Variants in SGCD observed in about 807,000 individuals in gnomAD.
SGCD encodes delta-sarcoglycan.
SGCD carries 18 observed loss-of-function variants against 36.6 expected under a neutral mutation model. That is an observed-to-expected ratio of 0.49 (90% confidence interval 0.34 to 0.73). SGCD has a LOEUF of 0.73. Ranked by LOEUF, SGCD falls within the 30% of genes least tolerant of loss-of-function variation. The pLI is 0.01. For missense variants in SGCD, 387 were observed against 346.7 expected (o/e 1.12, Z -0.92); for synonymous variants, 133 against 130.6 (o/e 1.02, Z -0.12).
At chr5:156,601,075 C>T (rs377084472) in intron 6 of SGCD, among the ~76,000 whole-genome samples, 1 of 152,150 alleles carries the variant, frequency 6.6e-6, no homozygotes, top group Non-Finnish European at 1.5e-5. Flanking sequence ...AGTTTGTCAA[C>T]ATTTTCTTCC....
intron 3 of SGCD, among the ~76,000 whole-genome samples, chr5:156,379,540 G>A (rs1770868443): frequency 6.6e-6 from 1 of 152,148 alleles, no homozygotes; most frequent in African/African-American, 2.4e-5. Context: ...CTGTAAATCA[G>A]AACAAGTTTG....
intron 1 of SGCD, among the ~76,000 whole-genome samples, chr5:155,900,847 A>G (rs1005298579): frequency 6.6e-6 from 1 of 152,310 alleles, no homozygotes; most frequent in Non-Finnish European, 1.5e-5. Context: ...TAATAAAAAA[A>G]CAACATAATA....
At chr5:156,396,936 A>G (rs1212490303) in intron 3 of SGCD, among the ~76,000 whole-genome samples, 2 of 152,266 alleles carry the variant, frequency 1.3e-5, no homozygotes, top group African/African-American at 4.8e-5. Flanking sequence ...AAGCCTAAGC[A>G]CTAGCCATTA....
chr5:156,767,771 T>C lies in SGCD; in HGVS notation c.*8381T>C, dbSNP rs373222949. On this transcript the variant is annotated 3_prime_UTR_variant, in exon 9 of 9. Coordinates refer to ENST00000337851, the MANE Select transcript of SGCD (RefSeq NM_000337.6). ...TTGTAAAATATATTAATAAAAATAA[T>C]GATTGGTAAGAAGGAAAGCACCCTT... 7 of 152,220 alleles carry C rather than the reference T, an allele frequency of 4.6e-5. No individual in the cohort carries two copies. Among genetic ancestry groups the C allele is most frequent in the African/African-American group, 1.7e-4 (7 of 41,468 alleles). The allele number at this position is 152,220 out of a possible 1,614,324, so 9.4% of individuals were successfully genotyped here.
chr5:156,635,768 A>T (rs1001895029), intron 6 of SGCD, among the ~76,000 whole-genome samples: 15 of 152,034 alleles, frequency 9.9e-5, no homozygotes, highest in African/African-American at 3.6e-4. Flanking sequence ...CATCATTCTC[A>T]GCAAACTATC....
chr5:156,414,458 A>G (rs189622338), intron 3 of SGCD, among the ~76,000 whole-genome samples: 3 of 152,352 alleles, frequency 2.0e-5, no homozygotes, highest in African/African-American at 4.8e-5. Flanking sequence ...TTGATATAAC[A>G]TTGACAGGAA....
At chr5:155,987,072 T>C (rs774690618) in intron 1 of SGCD, among the ~76,000 whole-genome samples, 1 of 152,208 alleles carries the variant, frequency 6.6e-6, no homozygotes, top group Non-Finnish European at 1.5e-5. Flanking sequence ...TTTGCACTGA[T>C]GTCATAGGAG....
intron 3 of SGCD, among the ~76,000 whole-genome samples, chr5:156,452,554 C>A (rs1389455327): frequency 6.6e-6 from 1 of 152,040 alleles, no homozygotes; most frequent in Non-Finnish European, 1.5e-5. Flanking sequence ...CTTAGGTAAC[C>A]CTCATAACAG....
chr5:156,152,106 C>G (rs1192413808), intron 3 of SGCD, among the ~76,000 whole-genome samples: 1 of 150,734 alleles, frequency 6.6e-6, no homozygotes, highest in Non-Finnish European at 1.5e-5. Flanking sequence ...ATTAGTTTAC[C>G]CCTTTATAAT....
At chr5:156,215,604 G>A (rs1764550093) in intron 3 of SGCD, among the ~76,000 whole-genome samples, 1 of 152,076 alleles carries the variant, frequency 6.6e-6, no homozygotes, top group African/African-American at 2.4e-5. Context: ...AATCATGTAA[G>A]AAATGCAAAT....
intron 3 of SGCD, among the ~76,000 whole-genome samples, chr5:156,462,645 T>A (rs891377812): frequency 1.3e-5 from 2 of 152,144 alleles, no homozygotes; most frequent in Non-Finnish European, 2.9e-5. Flanking sequence ...GAAATAATAG[T>A]GAGGAAAGTA....
At chr5:156,688,873 A>G (rs1280905229) in intron 7 of SGCD, among the ~76,000 whole-genome samples, 1 of 152,222 alleles carries the variant, frequency 6.6e-6, no homozygotes, top group African/African-American at 2.4e-5. Flanking sequence ...TGAGGCTCAG[A>G]GCTTAGCTGA....
chr5:155,979,406 G>C (rs1758182111), intron 1 of SGCD, among the ~76,000 whole-genome samples: 1 of 152,200 alleles, frequency 6.6e-6, no homozygotes, highest in Admixed American at 6.5e-5. Context: ...TGTTCTTCTA[G>C]TTCTTGGTTG....
chr5:155,975,257 G>T (rs1758086244), intron 1 of SGCD, among the ~76,000 whole-genome samples: 1 of 152,104 alleles, frequency 6.6e-6, no homozygotes, highest in South Asian at 2.1e-4. Flanking sequence ...GCCTATTGGG[G>T]GCCTATTGAC....
At chr5:156,278,516 C>G (rs1237491313) in intron 3 of SGCD, among the ~76,000 whole-genome samples, 1 of 151,962 alleles carries the variant, frequency 6.6e-6, no homozygotes, top group Non-Finnish European at 1.5e-5. Context: ...TGTTTTTCCC[C>G]AGAAAAAATC....
At chr5:156,381,148 C>T (rs540160627) in intron 3 of SGCD, among the ~76,000 whole-genome samples, 4 of 152,264 alleles carry the variant, frequency 2.6e-5, no homozygotes, top group African/African-American at 7.2e-5. Context: ...GGTAATCAGG[C>T]TTGTGAATTG....
chr5:156,415,511 A>G (rs1208989470), intron 3 of SGCD, among the ~76,000 whole-genome samples: 1 of 152,228 alleles, frequency 6.6e-6, no homozygotes, highest in African/African-American at 2.4e-5. Flanking sequence ...CTCTGATTTC[A>G]TGATTCAGCT....
intron 1 of SGCD, among the ~76,000 whole-genome samples, chr5:155,881,323 T>TAAATAAATAAATAAAGAAAG (rs942789932): frequency 1.2e-4 from 18 of 151,518 alleles, no homozygotes; most frequent in African/African-American, 4.4e-4. Flanking sequence ...AATAAATAAA[T>TAAATAAATAAATAAAGAAAG]AAAGAATATA....
chr5:156,318,066 T>C (rs371324406), intron 3 of SGCD, among the ~76,000 whole-genome samples: 22 of 152,338 alleles, frequency 1.4e-4, no homozygotes, highest in Middle Eastern at 3.4e-3. Context: ...TGAAGAGACT[T>C]AGAAAGCTGA....
Sources: allele counts gnomAD v4.1 joint callset (sites outside exome capture counted in the v4.1 genomes callset), GRCh38; gene constraint gnomAD v4.1.1; transcripts MANE v1.5; gene names NCBI Gene and HGNC (gene_info 2026-07-23, HGNC 2026-07-21).